FAM72A: variants seen among roughly 807,000 people sequenced by gnomAD.
FAM72A encodes the protein regulator of UNG2 and MKLN1 interacting yippee protein 1, also known as protein FAM72A.
FAM72A carries 1 observed loss-of-function variant against 11.3 expected under a neutral mutation model. That is an observed-to-expected ratio of 0.09 (90% CI 0.03 to 0.42). The LOEUF (loss-of-function observed/expected upper bound fraction) is 0.42, where lower values mean the gene tolerates loss of function less well. FAM72A is among the 10% of genes least tolerant of loss of function. FAM72A has a pLI of 0.98. For synonymous variants in FAM72A, 5 were observed against 46.9 expected (o/e 0.11, Z 3.65); for missense variants, 15 against 135.5 (o/e 0.11, Z 4.41).
At chr1:206,196,778 C>G (rs1464910357) in intron 2 of FAM72A, among the ~76,000 whole-genome samples, 1 of 151,420 alleles carries the variant, frequency 6.6e-6, no homozygotes, top group African/African-American at 2.4e-5. Flanking sequence ...ATAAGTACCT[C>G]AGTCTTTCAC....
upstream of FAM72A, chr1:206,203,031 C>T (rs1665467168): frequency 6.5e-6 from 1 of 154,358 alleles, no homozygotes; most frequent in South Asian, 2.1e-4. Context: ...GTGCTGAGAT[C>T]AATTCGGCTT....
At position 206,202,106 on chromosome 1, in the gene FAM72A, T is replaced by TA. The variant is rs1403481655; in HGVS notation, c.-82dup. On this transcript the variant is annotated 5_prime_UTR_variant, in exon 1 of 4. Coordinates refer to ENST00000367128, the MANE Select transcript of FAM72A (RefSeq NM_001123168.3). ...TCCTACTATTTTGATTCCCCTAGGC[T>TA]AAAATTCAAATTGCGGGACCTAGAG... 9 of 1,461,430 alleles carry TA rather than the reference T, an allele frequency of 6.2e-6. No individual in the cohort carries two copies. In the Admixed American group the frequency reaches 2.2e-4, roughly 35 times the overall value. The allele number at this position is 1,461,430 out of a possible 1,614,324, so 90.5% of individuals were successfully genotyped here. A position where few individuals can be genotyped will look rare whatever the true frequency, so the allele number is the denominator to read the frequency against.
chr1:206,203,509 C>T (rs782101244), upstream of FAM72A: 69 of 485,192 alleles, frequency 1.4e-4, no homozygotes, highest in Middle Eastern at 3.2e-3. Flanking sequence ...TACTTCCCGG[C>T]GGGGTCCTGC....
chr1:206,192,917 C>T (rs111756773), intron 3 of FAM72A, among the ~76,000 whole-genome samples: 2 of 145,024 alleles, frequency 1.4e-5, no homozygotes, highest in African/African-American at 5.0e-5. Flanking sequence ...CTTTTCTTTT[C>T]TTTTTTTTTT....
chr1:206,187,375 T>C lies in FAM72A; in HGVS notation c.356-2A>G, dbSNP rs1553297011. On this transcript the variant is annotated splice_acceptor_variant, in intron 3 of 3. Transcript: ENST00000367128. LOFTEE classifies it high-confidence loss of function. The stretch of plus-strand genomic sequence containing the variant: ...TGCCCCAAAGTAGGACGTTTACACC[T>C]GAAAATAAAAAGTCATAAAATTCTT... 1.9e-6 allele frequency: 3 copies of C among 1,611,102 alleles called. No individual in the cohort carries two copies. Among genetic ancestry groups the C allele is most frequent in the Non-Finnish European group, 2.5e-6 (3 of 1,179,592 alleles).
rs1485159813 is a variant in FAM72A at position 206,193,101 on chromosome 1, C to A, written c.355+2651G>T. Among the ~76,000 whole-genome samples the A allele has an allele frequency of 1.8e-3, 267 of 151,098 alleles. 2 individuals are homozygous for A. The highest frequency in any genetic ancestry group is 5.9e-3 in the African/African-American group (243 of 41,308). ...GCTAATTTTGTATTTTTAGTAGAGACGGGGTTTCTCCATGTTGGTCAGGCT... is the reference window on the plus strand; with the variant it reads ...GCTAATTTTGTATTTTTAGTAGAGAAGGGGTTTCTCCATGTTGGTCAGGCT... On this transcript the variant is annotated intron_variant, in intron 3 of 3. Coordinates refer to ENST00000367128, the MANE Select transcript of FAM72A (RefSeq NM_001123168.3).
upstream of FAM72A, chr1:206,205,046 A>T (rs1398473708): frequency 2.6e-5 from 4 of 151,882 alleles, no homozygotes; most frequent in African/African-American, 9.7e-5. Context: ...TTTGATGTAC[A>T]GGGAGGTGCC....
upstream of FAM72A, chr1:206,204,791 G>GC (rs1479102686): frequency 4.2e-5 from 5 of 119,928 alleles, no homozygotes; most frequent in African/African-American, 1.9e-4. Context: ...CCTTCCGCTC[G>GC]CCGCCCCCCG....
chr1:206,191,473 T>G (rs1186346384), intron 3 of FAM72A, among the ~76,000 whole-genome samples: 1 of 147,352 alleles, frequency 6.8e-6, no homozygotes, highest in East Asian at 2.0e-4. Context: ...ACAAAAAAAT[T>G]AGCTGGGCGT....
In FAM72A at chr1:206,198,926, A is replaced by AT. The variant is rs1362465034; in HGVS notation, c.230+880_230+881insA. Among the ~76,000 whole-genome samples, 17 of 150,990 alleles carry AT rather than the reference A, an allele frequency of 1.1e-4. No homozygotes were observed. In the East Asian group the frequency reaches 3.3e-3, roughly 29 times the overall value. ...CTCTACTAAAAAAAAAAAAAAAAAAAAAAAAATTAGCTGGGCATGGTGGTG... is the reference window on the plus strand; with the variant it reads ...CTCTACTAAAAAAAAAAAAAAAAAAATAAAAAATTAGCTGGGCATGGTGGTG... On this transcript the variant is annotated intron_variant, in intron 2 of 3. Transcript: ENST00000367128.
intron 3 of FAM72A, among the ~76,000 whole-genome samples, chr1:206,191,688 A>C (rs1230780576): frequency 6.9e-6 from 1 of 144,430 alleles, no homozygotes; most frequent in Non-Finnish European, 1.5e-5. Flanking sequence ...TTTTTTTTTT[A>C]AAAGAATTGG....
At chr1:206,203,821 T>G, upstream of FAM72A, 1 of 1,527,914 alleles carries the variant, frequency 6.5e-7, no homozygotes, top group Non-Finnish European at 8.8e-7. Context: ...CCTCTCCAAA[T>G]CTCCCAGTAC....
chr1:206,187,494 T>C, intron 3 of FAM72A, 121 bp from the exon 4 acceptor site: 1 of 660,340 alleles, frequency 1.5e-6, no homozygotes, highest in Non-Finnish European at 2.7e-6. Flanking sequence ...GTAAAAAGAG[T>C]AGCTATTGAA....
At chr1:206,200,251 C>G (rs569305871) in intron 1 of FAM72A, among the ~76,000 whole-genome samples, 18 of 151,340 alleles carry the variant, frequency 1.2e-4, no homozygotes, top group Admixed American at 3.3e-4. Flanking sequence ...GTACCCAGAA[C>G]TGCTGGATCA....
upstream of FAM72A, chr1:206,202,875 C>T (rs1163552946): frequency 2.3e-5 from 3 of 131,864 alleles, no homozygotes; most frequent in African/African-American, 8.8e-5. Context: ...TTTCCTGCCT[C>T]TCCAACCCGG....
At chr1:206,203,243 A>T (rs1382563000), upstream of FAM72A, 3 of 384,036 alleles carry the variant, frequency 7.8e-6, no homozygotes, top group Non-Finnish European at 9.2e-6. Flanking sequence ...CCCCGGCCCA[A>T]TTGGCCGTGC....
At chr1:206,205,066 G>A (rs1191970727), upstream of FAM72A, 4 of 152,002 alleles carry the variant, frequency 2.6e-5, no homozygotes, top group African/African-American at 9.7e-5. Context: ...CCCGGCCGGG[G>A]GTCTGGGGCC....
At chr1:206,196,229 G>A (rs1203985825) in intron 2 of FAM72A, among the ~76,000 whole-genome samples, 2 of 46,004 alleles carry the variant, frequency 4.3e-5, no homozygotes, top group South Asian at 1.2e-3. Flanking sequence ...GATTACAGGC[G>A]TGTGCCACCA....
At chr1:206,198,375 A>G (rs1479742079) in intron 2 of FAM72A, among the ~76,000 whole-genome samples, 1 of 151,560 alleles carries the variant, frequency 6.6e-6, no homozygotes, top group Non-Finnish European at 1.5e-5. Flanking sequence ...AAAAAAAAAA[A>G]AAAGAAAGAA....
Sources: gnomAD v4.1 joint callset for allele counts (sites outside exome capture counted in the v4.1 genomes callset) on GRCh38, gnomAD v4.1.1 for gene constraint, MANE v1.5 for transcripts, NCBI Gene and HGNC (gene_info 2026-07-23, HGNC 2026-07-21) for gene names.